PRRC2C: variants seen among roughly 807,000 people sequenced by gnomAD.
PRRC2C encodes protein PRRC2C.
In PRRC2C, 72 loss-of-function variants were observed where a neutral mutation model predicts 317.2. The observed-to-expected ratio is 0.23, with a 90% CI of 0.19 to 0.28. The LOEUF (loss-of-function observed/expected upper bound fraction) is 0.28. Among genes scored for constraint, PRRC2C ranks in the 10% least tolerant of loss-of-function variants. The probability of loss-of-function intolerance (pLI) is 1.00; values close to 1 mark genes in which losing one functional copy is unlikely to be tolerated. For synonymous variants in PRRC2C, 1,296 were observed against 1,205.9 expected, an observed-to-expected ratio of 1.07 and a Z score of -1.55; for missense variants, 3,074 against 3,459.7, an observed-to-expected ratio of 0.89 and a Z score of 2.80.
At position 171,584,174 on chromosome 1, in the gene PRRC2C, C is replaced by T. The variant is rs1314322471; in HGVS notation, c.7628C>T (p.Thr2543Ile). 6.2e-7 allele frequency: 1 copy of T among 1,612,252 alleles called. No homozygotes were observed. The highest frequency in any genetic ancestry group is 1.7e-5 in the Admixed American group (1 of 60,020). ...SGLGGSQLID[T>I]HLLQARANLT... ...CTAGGAGGTTCCCAGCTGATTGACA[C>T]ACATCTTCTCCAGGTAAGTCAGGGG... The change falls in exon 29 of 35, where the codon ACA (threonine) becomes ATA (isoleucine). Residue 2543 changes from threonine to isoleucine, a missense_variant. By Grantham distance (89) the Thr-to-Ile change is moderately conservative (BLOSUM62 -1). Coordinates refer to ENST00000647382, the MANE Select transcript of PRRC2C (RefSeq NM_001387844.1).
chr1:171,561,646 T>A (rs1682737314), intron 20 of PRRC2C, among the ~76,000 whole-genome samples: 1 of 152,216 alleles, frequency 6.6e-6, no homozygotes, highest in South Asian at 2.1e-4. Context: ...CTTTTAGACA[T>A]TAAACACTTA....
intron 12 of PRRC2C, among the ~76,000 whole-genome samples, chr1:171,533,980 G>A (rs1454836031): frequency 6.6e-6 from 1 of 152,122 alleles, no homozygotes; most frequent in East Asian, 1.9e-4. Flanking sequence ...TTATTTCAGT[G>A]TATTTTCTGA....
chr1:171,509,844 CTTTTTTTTTTTTTTTT>C (rs11363110), intron 1 of PRRC2C: 1 of 59,772 alleles, frequency 1.7e-5, no homozygotes. Flanking sequence ...AACATTGTTT[CTTTTTTTTTTTTTTTT>C]TTTTTTTTTG....
chr1:171,561,047 T>C lies in PRRC2C; in HGVS notation c.6061T>C (p.Ser2021Pro). ...TCCCATTAGTCCACCACAGCCACCT[T>C]CAGTCAGTGCATGGAATAAGCCCTT... ...LGPISPPQPP[S>P]VSAWNKPLTS... is the part of the protein sequence containing the mutation. The change falls in exon 20 of 35, where the codon TCA becomes CCA. Residue 2021 changes from serine (S) to proline (P), a missense_variant. Around this residue, in one of 11 missense-constraint regions of PRRC2C, gnomAD observed 640 missense variants for 676.1 expected, o/e 0.95. Transcript: ENST00000647382. 4.4e-6 allele frequency: 7 copies of C among 1,607,988 alleles called. No individual in the cohort carries two copies. The highest frequency in any genetic ancestry group is 6.0e-6 in the Non-Finnish European group (7 of 1,174,390).
At chr1:171,514,755 G>C in intron 4 of PRRC2C, 110 bp downstream of exon 4, 1 of 939,086 alleles carries the variant, frequency 1.1e-6, no homozygotes, top group South Asian at 1.7e-5. Flanking sequence ...CATTGTTAAA[G>C]GATATACTCA....
intron 6 of PRRC2C, among the ~76,000 whole-genome samples, chr1:171,519,829 G>T (rs1324375291): frequency 6.6e-6 from 1 of 152,088 alleles, no homozygotes; most frequent in Non-Finnish European, 1.5e-5. Flanking sequence ...AATATGGAAT[G>T]CTTCATGAAT....
intron 19 of PRRC2C, among the ~76,000 whole-genome samples, chr1:171,559,270 G>A (rs529996955): frequency 6.6e-6 from 1 of 152,208 alleles, no homozygotes; most frequent in Non-Finnish European, 1.5e-5. Flanking sequence ...GGAAGGAGAT[G>A]CCATCTGGGC....
chr1:171,584,575 T>G, intron 30 of PRRC2C, 49 bp downstream of exon 30: 1 of 1,502,568 alleles, frequency 6.7e-7, no homozygotes, highest in South Asian at 1.3e-5. Flanking sequence ...TTATTATTTT[T>G]ATTGCTTTTG....
intron 10 of PRRC2C, 44 bp downstream of exon 10, chr1:171,525,009 T>G: frequency 6.8e-7 from 1 of 1,465,230 alleles, no homozygotes; most frequent in Non-Finnish European, 9.3e-7. Flanking sequence ...AAGGATCTCC[T>G]TATTGTAATT....
At chr1:171,551,940 T>C (rs143707130) in intron 18 of PRRC2C, among the ~76,000 whole-genome samples, 20,876 of 152,216 alleles carry the variant, frequency 0.14, 1,406 homozygotes, top group Non-Finnish European at 0.16. Flanking sequence ...ATCTTGGCAA[T>C]GCGGGCTCTT....
intron 1 of PRRC2C, among the ~76,000 whole-genome samples, chr1:171,491,163 A>T (rs1282483500): frequency 2.0e-5 from 3 of 152,224 alleles, no homozygotes; most frequent in Admixed American, 2.0e-4. Context: ...AGGTTGGAAG[A>T]TCCCTTCTGA....
intron 1 of PRRC2C, among the ~76,000 whole-genome samples, chr1:171,492,611 T>G (rs776984258): frequency 6.6e-6 from 1 of 152,118 alleles, no homozygotes; most frequent in Non-Finnish European, 1.5e-5. Flanking sequence ...CTGGTCCAGG[T>G]TGGCAACAGA....
At chr1:171,553,707 A>G (rs1312520894) in intron 18 of PRRC2C, among the ~76,000 whole-genome samples, 3 of 151,918 alleles carry the variant, frequency 2.0e-5, no homozygotes, top group Admixed American at 6.6e-5. Flanking sequence ...CTTTATTTCT[A>G]CCTTCATTCT....
intron 26 of PRRC2C, 32 bp downstream of exon 26, chr1:171,577,669 T>G: frequency 6.3e-7 from 1 of 1,575,916 alleles, no homozygotes; most frequent in African/African-American, 1.3e-5. Flanking sequence ...ATAAGGAATT[T>G]AGAAAATGAA....
At chr1:171,570,479 A>G (rs1160195158) in intron 23 of PRRC2C, among the ~76,000 whole-genome samples, 1 of 152,182 alleles carries the variant, frequency 6.6e-6, no homozygotes, top group Non-Finnish European at 1.5e-5. Context: ...GCTGCTTTCA[A>G]CATGTATGAA....
chr1:171,580,769 T>G (rs1055850992), intron 28 of PRRC2C, among the ~76,000 whole-genome samples: 1 of 152,202 alleles, frequency 6.6e-6, no homozygotes, highest in East Asian at 1.9e-4. Context: ...CAGTGCATCA[T>G]GGCATAGCTG....
rs556415818 is a variant in PRRC2C, at chr1:171,585,798, C to A, written c.7750-1205C>A. ...TACCTTTAATAGAAGAATGGAGATA[C>A]GGTTGAGGGTTGAGTGTCTCTTACC... On this transcript the variant is annotated intron_variant, in intron 30 of 34. Coordinates refer to ENST00000647382, the MANE Select transcript of PRRC2C (RefSeq NM_001387844.1). Among the ~76,000 whole-genome samples, 9 of 152,136 alleles carry A rather than the reference C, an allele frequency of 5.9e-5. No homozygotes were observed. The South Asian group carries it at 1.9e-3, about 32-fold the overall frequency.
chr1:171,573,121 A>G (rs896015679), intron 24 of PRRC2C, among the ~76,000 whole-genome samples: 1 of 152,220 alleles, frequency 6.6e-6, no homozygotes, highest in East Asian at 1.9e-4. Context: ...TATTGATTAT[A>G]CATTGTTGGG....
At chr1:171,504,733 G>A (rs1165677629) in intron 1 of PRRC2C, among the ~76,000 whole-genome samples, 2 of 152,124 alleles carry the variant, frequency 1.3e-5, no homozygotes, top group Non-Finnish European at 2.9e-5. Context: ...CTGGCGGGGT[G>A]GAGGGTAGGG....
Sources: allele counts gnomAD v4.1 joint callset (sites outside exome capture counted in the v4.1 genomes callset), GRCh38; gene constraint gnomAD v4.1.1; regional missense constraint gnomAD v4.1.1; transcripts MANE v1.5; gene names NCBI Gene and HGNC (gene_info 2026-07-23, HGNC 2026-07-21).